GALNTL6: variants seen among roughly 807,000 people sequenced by gnomAD.
GALNTL6 encodes polypeptide N-acetylgalactosaminyltransferase like 6.
In GALNTL6, 46 loss-of-function variants were observed where a neutral mutation model predicts 73.7. That is an observed-to-expected ratio of 0.62 (90% confidence interval 0.49 to 0.80). The LOEUF (loss-of-function observed/expected upper bound fraction) is 0.80. Ranked by LOEUF, GALNTL6 falls within the 30% of genes least tolerant of loss-of-function variation. The pLI, the probability that GALNTL6 is intolerant of heterozygous loss-of-function variation, is 0.00. For missense variants in GALNTL6, 604 were observed against 755.0 expected (o/e 0.80, Z 2.34); for synonymous variants, 259 against 263.7 (o/e 0.98, Z 0.17).
At chr4:172,274,712 T>C (rs1190888648) in intron 3 of GALNTL6, among the ~76,000 whole-genome samples, 2 of 152,222 alleles carry the variant, frequency 1.3e-5, no homozygotes, top group African/African-American at 4.8e-5. Context: ...TTTTGTTTAC[T>C]GTCAATTGCA....
At chr4:172,683,548 A>T (rs1454499757) in intron 5 of GALNTL6, among the ~76,000 whole-genome samples, 3 of 152,182 alleles carry the variant, frequency 2.0e-5, no homozygotes, top group Non-Finnish European at 4.4e-5. Context: ...TTTGCCAGAA[A>T]TCCATGAAAA....
chr4:172,470,959 G>T (rs1733024354), intron 5 of GALNTL6, among the ~76,000 whole-genome samples: 1 of 152,122 alleles, frequency 6.6e-6, no homozygotes, highest in Admixed American at 6.5e-5. Flanking sequence ...CCAGTTCATA[G>T]CTCAAGGCTG....
At chr4:172,998,011 T>C (rs542841618) in intron 10 of GALNTL6, among the ~76,000 whole-genome samples, 22 of 152,342 alleles carry the variant, frequency 1.4e-4, no homozygotes, top group African/African-American at 5.1e-4. Flanking sequence ...CTGTGGGCTC[T>C]TCTTTCTCTT....
At chr4:172,394,647 G>A (rs549104870) in intron 5 of GALNTL6, among the ~76,000 whole-genome samples, 1 of 151,998 alleles carries the variant, frequency 6.6e-6, no homozygotes, top group Admixed American at 6.5e-5. Flanking sequence ...GGCCAGGCTG[G>A]TCTCGAACTC....
At chr4:172,006,344 C>G (rs768435344) in intron 2 of GALNTL6, among the ~76,000 whole-genome samples, 1 of 152,086 alleles carries the variant, frequency 6.6e-6, no homozygotes, top group Non-Finnish European at 1.5e-5. Context: ...AAACTTGGTG[C>G]AGGCTGGACA....
intron 5 of GALNTL6, among the ~76,000 whole-genome samples, chr4:172,371,346 G>T (rs956613047): frequency 1.3e-5 from 2 of 152,346 alleles, no homozygotes; most frequent in African/African-American, 2.4e-5. Context: ...TTGATAGGAA[G>T]GCTATGGGTT....
intron 2 of GALNTL6, among the ~76,000 whole-genome samples, chr4:171,839,549 A>AACACACACACATACATACCTGT: frequency 6.6e-6 from 1 of 151,878 alleles, no homozygotes; most frequent in Admixed American, 6.6e-5. Context: ...CCCCATTCCC[A>AACACACACACATACATACCTGT]ACACACACAC....
intron 2 of GALNTL6, among the ~76,000 whole-genome samples, chr4:171,920,617 AT>A (rs1215331179): frequency 1.3e-5 from 2 of 152,150 alleles, no homozygotes; most frequent in Non-Finnish European, 2.9e-5. Flanking sequence ...CTGAAAAAGT[AT>A]TTTACAATGT....
chr4:171,955,689 A>T (rs1021893784), intron 2 of GALNTL6, among the ~76,000 whole-genome samples: 3 of 152,248 alleles, frequency 2.0e-5, no homozygotes, highest in East Asian at 1.9e-4. Flanking sequence ...CAAATTTTTT[A>T]AAATATATTT....
chr4:172,377,270 G>A (rs573573783), intron 5 of GALNTL6, among the ~76,000 whole-genome samples: 160 of 152,192 alleles, frequency 1.1e-3, no homozygotes, highest in African/African-American at 3.8e-3. Context: ...TAGACACAGA[G>A]TGCTGATTGA....
rs75500078 is a variant in GALNTL6, at chr4:172,045,508, C to T, written c.139-184148C>T. ...TGAGATTTTTTTAAAGGGTCAAATGCCTGATTTAAAAATAATTTCATGTTC... is the reference window on the plus strand; with the variant it reads ...TGAGATTTTTTTAAAGGGTCAAATGTCTGATTTAAAAATAATTTCATGTTC... On this transcript the variant is annotated intron_variant, in intron 2 of 12. Coordinates refer to ENST00000506823, the MANE Select transcript of GALNTL6 (RefSeq NM_001034845.3). Among the ~76,000 whole-genome samples, 732 of 151,882 alleles carry T rather than the reference C, an allele frequency of 4.8e-3. 7 individuals are homozygous for T. The highest frequency in any genetic ancestry group is 8.4e-3 in the Non-Finnish European group (570 of 67,868).
intron 5 of GALNTL6, among the ~76,000 whole-genome samples, chr4:172,372,045 T>C (rs1471113454): frequency 6.6e-6 from 1 of 152,220 alleles, no homozygotes; most frequent in African/African-American, 2.4e-5. Flanking sequence ...TAAGTGCCAC[T>C]AGTTCTGCTA....
chr4:172,764,581 T>G (rs1738299644), intron 5 of GALNTL6, among the ~76,000 whole-genome samples: 1 of 151,790 alleles, frequency 6.6e-6, no homozygotes, highest in Admixed American at 6.6e-5. Flanking sequence ...AACAAAAAAC[T>G]CTGAAAGTGA....
chr4:171,879,075 T>G (rs11733699), intron 2 of GALNTL6, among the ~76,000 whole-genome samples: 1 of 152,012 alleles, frequency 6.6e-6, no homozygotes, highest in Admixed American at 6.6e-5. Context: ...GTCTCAGTTA[T>G]TTTTTATAGT....
chr4:172,000,122 T>C (rs898198856), intron 2 of GALNTL6, among the ~76,000 whole-genome samples: 2 of 152,170 alleles, frequency 1.3e-5, no homozygotes, highest in Non-Finnish European at 2.9e-5. Context: ...CAATATTCAG[T>C]GAGTTCACCA....
At chr4:172,049,425 A>G (rs2110854919) in intron 2 of GALNTL6, among the ~76,000 whole-genome samples, 1 of 152,270 alleles carries the variant, frequency 6.6e-6, no homozygotes, top group East Asian at 1.9e-4. Flanking sequence ...TTTACCTTTT[A>G]TAAAATAGTA....
chr4:172,593,740 GT>G (rs1560826062), intron 5 of GALNTL6, among the ~76,000 whole-genome samples: 1 of 148,706 alleles, frequency 6.7e-6, no homozygotes, highest in South Asian at 2.1e-4. Flanking sequence ...TGTTTGTTTT[GT>G]TTTTTGAGAC....
chr4:171,985,169 G>A (rs1740029446), intron 2 of GALNTL6, among the ~76,000 whole-genome samples: 2 of 151,928 alleles, frequency 1.3e-5, no homozygotes, highest in Admixed American at 1.3e-4. Context: ...TCACACCACT[G>A]ATAAAGATAT....
At chr4:172,342,227 A>G (rs1190139900) in intron 4 of GALNTL6, among the ~76,000 whole-genome samples, 1 of 151,836 alleles carries the variant, frequency 6.6e-6, no homozygotes, top group African/African-American at 2.4e-5. Flanking sequence ...GTAATTGCCT[A>G]CCCCTCCTTA....
Sources: allele counts gnomAD v4.1 joint callset (sites outside exome capture counted in the v4.1 genomes callset), GRCh38; gene constraint gnomAD v4.1.1; transcripts MANE v1.5; gene names NCBI Gene and HGNC (gene_info 2026-07-23, HGNC 2026-07-21).